The following KATNIP variants were observed in gnomAD, a reference collection of about 807,000 sequenced individuals.
KATNIP encodes katanin interacting protein, also known as katanin-interacting protein.
In KATNIP, 126 loss-of-function variants were observed where a neutral mutation model predicts 174.0. The observed-to-expected ratio is 0.72, with a 90% CI of 0.63 to 0.84. KATNIP has a LOEUF of 0.84. KATNIP is among the 40% of genes least tolerant of loss of function. The probability of loss-of-function intolerance (pLI) is 0.00; values close to 1 mark genes in which losing one functional copy is unlikely to be tolerated. For synonymous variants in KATNIP, 810 were observed against 835.7 expected, an observed-to-expected ratio of 0.97 and a Z score of 0.53; for missense variants, 1,958 against 2,109.7, an observed-to-expected ratio of 0.93 and a Z score of 1.41.
chr16:27,650,673 G>A (rs2142356353), intron 6 of KATNIP, among the ~76,000 whole-genome samples: 1 of 152,302 alleles, frequency 6.6e-6, no homozygotes, highest in South Asian at 2.1e-4. Flanking sequence ...TTTCATGCTT[G>A]TACTTCCTTA....
intron 17 of KATNIP, 57 bp downstream of exon 17, chr16:27,751,981 C>G (rs1294478031): frequency 7.1e-7 from 1 of 1,408,460 alleles, no homozygotes; most frequent in Admixed American, 2.1e-5. Context: ...CTTCCCCTAA[C>G]TCAGAGTAGA....
At chr16:27,581,616 G>C (rs981858940) in intron 2 of KATNIP, among the ~76,000 whole-genome samples, 2 of 152,098 alleles carry the variant, frequency 1.3e-5, no homozygotes, top group African/African-American at 2.4e-5. Flanking sequence ...CATAGGTTTG[G>C]GGGGAACCGG....
At chr16:27,737,715 G>A (rs889201627) in intron 14 of KATNIP, among the ~76,000 whole-genome samples, 6 of 152,124 alleles carry the variant, frequency 3.9e-5, no homozygotes, top group South Asian at 2.1e-4. Flanking sequence ...GAAAGTCATC[G>A]CAAAGGAGGG....
chr16:27,625,999 G>A (rs1359340520), intron 3 of KATNIP, among the ~76,000 whole-genome samples: 1 of 151,734 alleles, frequency 6.6e-6, no homozygotes, highest in Admixed American at 6.6e-5. Context: ...ACAGGTGCAC[G>A]CTACCACGCC....
At chr16:27,713,816 A>ATATATATATATATATCTATCTATC (rs2079775533) in intron 13 of KATNIP, among the ~76,000 whole-genome samples, 1 of 28,048 alleles carries the variant, frequency 3.6e-5, no homozygotes, top group Non-Finnish European at 6.1e-5. Flanking sequence ...ATACATATAT[A>ATATATATATATATATCTATCTATC]TATATATATA....
At chr16:27,665,257 C>T (rs1555468279) in intron 6 of KATNIP, among the ~76,000 whole-genome samples, 1 of 151,916 alleles carries the variant, frequency 6.6e-6, no homozygotes, top group Non-Finnish European at 1.5e-5. Context: ...GCATCCACCA[C>T]CACGCCTGGC....
At chr16:27,564,524 G>A (rs1225282891) in intron 1 of KATNIP, among the ~76,000 whole-genome samples, 1 of 151,988 alleles carries the variant, frequency 6.6e-6, no homozygotes, top group Non-Finnish European at 1.5e-5. Context: ...CTGCTGTTTG[G>A]GTTTGGAAAG....
In KATNIP at chr16:27,761,460, G is replaced by A; in HGVS notation, c.3679G>A (p.Gly1227Arg). Reference protein sequence around the residue: ...TASWGDLHYLGLTGLEVVGKE... With the variant: ...TASWGDLHYLRLTGLEVVGKE... ...CTCCTGGGGAGACTTGCACTACCTG[G>A]GGCTCACTGGCCTGGAAGTGGTGGG... Residue 1227 changes from glycine to arginine, a missense_variant, in exon 19 of 28, where the codon GGG becomes AGG. Around this residue, in one of 3 missense-constraint regions of KATNIP, gnomAD observed 1,557 missense variants for 1,617.8 expected, o/e 0.96. Coordinates refer to ENST00000261588, the MANE Select transcript of KATNIP (RefSeq NM_015202.5). 6.2e-7 allele frequency: 1 copy of A among 1,613,988 alleles called. No homozygotes were observed. The highest frequency in any genetic ancestry group is 8.5e-7 in the Non-Finnish European group (1 of 1,180,002).
chr16:27,563,379 T>C (rs1420391498), intron 1 of KATNIP, among the ~76,000 whole-genome samples: 4 of 152,026 alleles, frequency 2.6e-5, no homozygotes. Flanking sequence ...TGGGACTAGG[T>C]GCAGTGGTGC....
rs540221520 is a variant in KATNIP, at chr16:27,777,674, G to T, written c.4616G>T (p.Gly1539Val). The T allele has an allele frequency of 6.2e-7, 1 of 1,613,968 alleles. No homozygotes were observed. Among genetic ancestry groups the T allele is most frequent in the East Asian group, 2.2e-5 (1 of 44,864 alleles). Residue 1539 changes from glycine (G) to valine (V), a missense_variant, in exon 26 of 28, where the codon GGC becomes GTC. By Grantham distance (109) the Gly-to-Val change is moderately radical. Coordinates refer to ENST00000261588, the MANE Select transcript of KATNIP (RefSeq NM_015202.5). The surrounding 1 kb of genome is among the most constrained non-coding windows in gnomAD (Gnocchi z 4.4). ...GCCATGGTGAGCCACCTGGTGGGGG[G>T]CATCCTGCCCACATGTGAGCCCACC... ...ILAMVSHLVG[G>V]ILPTCEPTVP...
chr16:27,736,897 C>G (rs972587179), intron 14 of KATNIP, among the ~76,000 whole-genome samples: 2 of 152,066 alleles, frequency 1.3e-5, no homozygotes, highest in Non-Finnish European at 2.9e-5. Context: ...CAGCAGCACA[C>G]GCGGGCAAGG....
intron 18 of KATNIP, among the ~76,000 whole-genome samples, chr16:27,761,161 G>C (rs2081940154): frequency 6.6e-6 from 1 of 152,208 alleles, no homozygotes; most frequent in African/African-American, 2.4e-5. Flanking sequence ...CTGGTAGGCG[G>C]AGGAAGGACT....
At chr16:27,743,370 C>T (rs2081175654) in intron 15 of KATNIP, among the ~76,000 whole-genome samples, 1 of 152,158 alleles carries the variant, frequency 6.6e-6, no homozygotes, top group Non-Finnish European at 1.5e-5. Context: ...TGACATGTCA[C>T]TTAGGGTACA....
intron 4 of KATNIP, among the ~76,000 whole-genome samples, chr16:27,630,670 C>T (rs952916949): frequency 1.3e-5 from 2 of 151,978 alleles, no homozygotes; most frequent in African/African-American, 4.8e-5. Flanking sequence ...CCAGCAGTAC[C>T]TTCATTCATT....
chr16:27,689,380 C>T (rs1286495844), intron 8 of KATNIP, among the ~76,000 whole-genome samples: 3 of 151,856 alleles, frequency 2.0e-5, no homozygotes, highest in South Asian at 4.2e-4. Context: ...CACTGGACTC[C>T]AGCCTGGATG....
intron 18 of KATNIP, 58 bp downstream of exon 18, chr16:27,754,309 G>A: frequency 2.1e-6 from 3 of 1,437,270 alleles, no homozygotes; most frequent in East Asian, 2.3e-5. Flanking sequence ...GGGACAGGGG[G>A]AGTTGTGGCC....
intron 7 of KATNIP, chr16:27,681,112 G>C: frequency 2.9e-6 from 1 of 342,880 alleles, no homozygotes; most frequent in East Asian, 6.8e-5. Context: ...GATTACAGGT[G>C]TGAGCCACCG....
At chr16:27,681,619 A>G in intron 8 of KATNIP, 89 bp downstream of exon 8, 2 of 1,475,432 alleles carry the variant, frequency 1.4e-6, no homozygotes. Flanking sequence ...GCACTTCATT[A>G]CCCTCCTTGC....
At chr16:27,576,002 C>G (rs1054066674) in intron 2 of KATNIP, among the ~76,000 whole-genome samples, 2 of 152,182 alleles carry the variant, frequency 1.3e-5, no homozygotes, top group African/African-American at 4.8e-5. Context: ...TGAGCCCAGA[C>G]CTGCAGGCCG....
Sources: allele counts gnomAD v4.1 joint callset (sites outside exome capture counted in the v4.1 genomes callset), GRCh38; gene constraint gnomAD v4.1.1; regional missense constraint gnomAD v4.1.1; non-coding constraint Gnocchi (gnomAD v3.1); transcripts MANE v1.5; gene names NCBI Gene and HGNC (gene_info 2026-07-23, HGNC 2026-07-21).